CRLF2: variants seen among roughly 807,000 people sequenced by gnomAD.
The protein encoded by CRLF2 is cytokine receptor-like factor 2.
A neutral mutation model predicts 38.7 loss-of-function variants in CRLF2; 41 were observed. The ratio of observed to expected loss-of-function variants is 1.06; its 90% confidence interval spans 0.83 to 1.37. The LOEUF (loss-of-function observed/expected upper bound fraction) is 1.37. Ranked by LOEUF, CRLF2 falls within the 40% of genes most tolerant of loss-of-function variation. The probability of loss-of-function intolerance (pLI) is 0.00; values close to 1 mark genes in which losing one functional copy is unlikely to be tolerated. For synonymous variants in CRLF2, 140 were observed against 128.8 expected (o/e 1.09, Z -0.59); for missense variants, 377 against 322.2 (o/e 1.17, Z -1.30).
In CRLF2 at chrX:1,196,836, G is replaced by C. The variant is rs1259014020; in HGVS notation, c.711C>G (p.Ser237Arg). The C allele has an allele frequency of 9.3e-6, 15 of 1,613,528 alleles. No individual in the cohort carries two copies. The highest frequency in any genetic ancestry group is 1.2e-5 in the Non-Finnish European group (14 of 1,179,554). The change falls in exon 6 of 8, where the codon AGC (serine) becomes AGG (arginine). Residue 237 changes from serine (S) to arginine (R), a missense_variant. Transcript: ENST00000400841. The part of the protein sequence containing the change: ...PKLSKFILIS[S>R]LAILLMVSLL... Reference sequence around the variant, plus strand: ...GAGACACCATCAGAAGGATGGCCAGGCTGGAAATTAAAATAAATTTGGACA... The same window carrying C: ...GAGACACCATCAGAAGGATGGCCAGCCTGGAAATTAAAATAAATTTGGACA...
chrX:1,203,137 CAGTT>C (rs1274337139), intron 3 of CRLF2, among the ~76,000 whole-genome samples: 1 of 141,748 alleles, frequency 7.1e-6, no homozygotes, highest in Non-Finnish European at 1.5e-5. Flanking sequence ...ATTATAGATT[CAGTT>C]AGTTAGGATC....
intron 2 of CRLF2, among the ~76,000 whole-genome samples, chrX:1,206,852 C>A (rs2086699837): frequency 1.3e-5 from 2 of 151,118 alleles, no homozygotes; most frequent in South Asian, 4.2e-4. Flanking sequence ...CATGTTGGGG[C>A]CAGGCTGGTC....
In CRLF2 at chrX:1,198,547, C is replaced by T. The variant is rs9778721; in HGVS notation, c.646+15G>A. The T allele has an allele frequency of 0.51, 823,782 of 1,610,714 alleles. 212,479 individuals carry two copies. Among genetic ancestry groups the T allele is most frequent in the East Asian group, 0.61 (27,363 of 44,748 alleles). ...GTGACAAGGCTATGGGACACTGCCG[C>T]GTAACAAGCATTACCCCGAATCTCG... On this transcript the variant is annotated intron_variant, in intron 5 of 7. Transcript: ENST00000400841.
intron 3 of CRLF2, among the ~76,000 whole-genome samples, chrX:1,205,106 C>G (rs1452432055): frequency 3.3e-5 from 5 of 152,186 alleles, no homozygotes; most frequent in Admixed American, 3.3e-4. Context: ...GGATTACAGG[C>G]GTGAGCCACC....
At chrX:1,198,825 G>A (rs1240117218) in intron 4 of CRLF2, 101 bp from the exon 5 acceptor site, 52 of 1,196,972 alleles carry the variant, frequency 4.3e-5, no homozygotes, top group Admixed American at 6.2e-5. Flanking sequence ...TTTTCCTTCC[G>A]GAGGGTTCAC....
rs1209721243 is a variant in CRLF2 at position 1,206,470 on chromosome X, G to A, written c.312C>T (p.His104=). 1 of 1,613,608 alleles carries A rather than the reference G, an allele frequency of 6.2e-7. No individual in the cohort carries two copies. Among genetic ancestry groups the A allele is most frequent in the Non-Finnish European group, 8.5e-7 (1 of 1,179,638 alleles). Residue 104 remains histidine (H), a synonymous_variant, in exon 3 of 8, where the codon CAC becomes CAT. Coordinates refer to ENST00000400841, the MANE Select transcript of CRLF2 (RefSeq NM_022148.4). ...TCCAGCGACTTGCGGTGAAAACGGGGTGCGTCCCATTCCTGATGGAGAAAT... is the reference window on the plus strand; with the variant it reads ...TCCAGCGACTTGCGGTGAAAACGGGATGCGTCCCATTCCTGATGGAGAAAT... The part of the protein sequence containing the change: ...ILYFSIRNGT[H]PVFTASRWMV...
chrX:1,207,338 C>T (rs1165210507), intron 2 of CRLF2, among the ~76,000 whole-genome samples: 4 of 151,996 alleles, frequency 2.6e-5, no homozygotes, highest in Admixed American at 2.6e-4. Context: ...CCACTGCAAC[C>T]TCTGCCTCCC....
chrX:1,200,571 C>CTG (rs1226136333), intron 4 of CRLF2, among the ~76,000 whole-genome samples: 1 of 106,074 alleles, frequency 9.4e-6, no homozygotes, highest in African/African-American at 3.2e-5. Flanking sequence ...TGTATATAAG[C>CTG]TGTGTGTGTG....
chrX:1,203,606 G>C (rs1169302482), intron 3 of CRLF2, among the ~76,000 whole-genome samples: 1 of 151,182 alleles, frequency 6.6e-6, no homozygotes, highest in African/African-American at 2.4e-5. Flanking sequence ...AGGCCACATG[G>C]AGACGGAGGC....
intron 4 of CRLF2, 27 bp downstream of exon 4, chrX:1,202,375 G>T: frequency 6.2e-7 from 1 of 1,613,004 alleles, no homozygotes; most frequent in African/African-American, 1.3e-5. Context: ...AGCCACCATC[G>T]CCCTGAGTCG....
At chrX:1,211,254 T>C (rs1464972531) in intron 1 of CRLF2, among the ~76,000 whole-genome samples, 1 of 146,910 alleles carries the variant, frequency 6.8e-6, no homozygotes, top group African/African-American at 2.6e-5. Flanking sequence ...GGTGGATGGA[T>C]GGGTGGATGG....
intron 4 of CRLF2, 125 bp from the exon 5 acceptor site, chrX:1,198,849 T>C (rs1287567610): frequency 1.0e-6 from 1 of 968,954 alleles, no homozygotes; most frequent in Non-Finnish European, 1.6e-6. Context: ...CTCGCTGACT[T>C]CAAGAATGGA....
At chrX:1,191,300 T>C (rs1267560410) in intron 7 of CRLF2, 140 bp from the exon 8 acceptor site, 1 of 338,856 alleles carries the variant, frequency 3.0e-6, no homozygotes, top group African/African-American at 3.2e-5. Flanking sequence ...CTTTTCTCTT[T>C]CTTTCTTTCT....
At chrX:1,192,708 TTTTCTTTCTTTCTTTCTTTCTTTC>T (rs1165440754) in intron 7 of CRLF2, among the ~76,000 whole-genome samples, 9,090 of 110,032 alleles carry the variant, frequency 0.083, 413 homozygotes, top group Admixed American at 0.1. Flanking sequence ...TTTTCTTTTC[TTTTCTTTCTTTCTTTCTTTCTTTC>T]TTTCTTTCTT....
At chrX:1,198,524 G>A (rs1381351495) in intron 5 of CRLF2, 38 bp downstream of exon 5, 2 of 1,609,216 alleles carry the variant, frequency 1.2e-6, no homozygotes, top group African/African-American at 1.3e-5. Flanking sequence ...CCAGCCTGGT[G>A]ACAAGGCTAT....
chrX:1,206,745 C>G, intron 2 of CRLF2, 146 bp from the exon 3 acceptor site: 1 of 709,680 alleles, frequency 1.4e-6, no homozygotes, highest in Non-Finnish European at 2.4e-6. Context: ...CGGGTTCAAG[C>G]AATTCTCCTG....
chrX:1,202,250 T>C (rs1179280055), intron 4 of CRLF2, among the ~76,000 whole-genome samples, 152 bp downstream of exon 4: 1 of 152,074 alleles, frequency 6.6e-6, no homozygotes, highest in Non-Finnish European at 1.5e-5. Flanking sequence ...AAAGCCAAGC[T>C]GGACTAGAGC....
intron 1 of CRLF2, among the ~76,000 whole-genome samples, chrX:1,211,666 AGT>A (rs1281143749): frequency 1.0e-4 from 10 of 98,884 alleles, no homozygotes; most frequent in Non-Finnish European, 2.0e-4. Flanking sequence ...AGTGGATAAA[AGT>A]GTGGGTGAAT....
At chrX:1,194,970 GGC>G (rs2086452007) in intron 6 of CRLF2, among the ~76,000 whole-genome samples, 1 of 151,344 alleles carries the variant, frequency 6.6e-6, no homozygotes, top group Non-Finnish European at 1.5e-5. Context: ...AGGCGGAGGT[GGC>G]AGTGAGCCGA....
Sources: allele counts gnomAD v4.1 joint callset (sites outside exome capture counted in the v4.1 genomes callset), GRCh38; gene constraint gnomAD v4.1.1; transcripts MANE v1.5; gene names NCBI Gene and HGNC (gene_info 2026-07-23, HGNC 2026-07-21).